The following TTC17 variants were observed in gnomAD, a reference collection of about 807,000 sequenced individuals.
TTC17 encodes the protein tetratricopeptide repeat protein 17.
A neutral mutation model predicts 143.8 loss-of-function variants in TTC17; 58 were observed. The observed-to-expected ratio is 0.40, with a 90% CI of 0.33 to 0.50. The LOEUF (loss-of-function observed/expected upper bound fraction) is 0.50, where lower values mean the gene tolerates loss of function less well. TTC17 is among the 20% of genes least tolerant of loss of function. The probability of loss-of-function intolerance (pLI) is 0.49; values close to 1 mark genes in which losing one functional copy is unlikely to be tolerated. For synonymous variants in TTC17, 501 were observed against 497.8 expected (o/e 1.01, Z -0.09); for missense variants, 1,273 against 1,392.5 (o/e 0.91, Z 1.37).
Position 43,469,378 on chromosome 11 carries a change from G to A in TTC17, c.3030+18113G>A, listed in dbSNP as rs372018352. On this transcript the variant is annotated intron_variant, in intron 21 of 23. Coordinates refer to ENST00000039989, the MANE Select transcript of TTC17 (RefSeq NM_018259.6). ...TTTGCTGCTAGAAATGTATCAAAGA[G>A]ACATGAAAACATATGACCACAAAAT... Among the ~76,000 whole-genome samples the A allele has an allele frequency of 1.9e-4, 29 of 152,120 alleles. 1 individual carries two copies. The South Asian group carries it at 5.6e-3, about 29-fold the overall frequency.
intron 21 of TTC17, 144 bp from the exon 22 acceptor site, chr11:43,490,095 G>C: frequency 9.1e-7 from 1 of 1,104,288 alleles, no homozygotes; most frequent in Non-Finnish European, 1.3e-6. Flanking sequence ...TGAAGGACAG[G>C]TGGAACAGAA....
At chr11:43,400,104 C>A in intron 9 of TTC17, 56 bp downstream of exon 9, 1 of 1,550,178 alleles carries the variant, frequency 6.5e-7, no homozygotes. Flanking sequence ...TTTTAGCATG[C>A]TTTACTATCA....
At chr11:43,386,169 C>CA (rs768438986) in intron 2 of TTC17, among the ~76,000 whole-genome samples, 220 of 109,794 alleles carry the variant, frequency 2.0e-3, no homozygotes, top group African/African-American at 4.7e-3. Flanking sequence ...TTTCAATGTA[C>CA]AAAAAAAAAA....
At chr11:43,487,667 T>C (rs1269430142) in intron 21 of TTC17, among the ~76,000 whole-genome samples, 2 of 152,214 alleles carry the variant, frequency 1.3e-5, no homozygotes, top group African/African-American at 4.8e-5. Flanking sequence ...CAGAAGTTTT[T>C]CAACATATAT....
intron 15 of TTC17, among the ~76,000 whole-genome samples, chr11:43,409,819 T>C (rs1209781906): frequency 6.6e-6 from 1 of 152,108 alleles, no homozygotes; most frequent in Non-Finnish European, 1.5e-5. Context: ...GTGGTTGTTT[T>C]TGTTTTTCTT....
intron 1 of TTC17, among the ~76,000 whole-genome samples, chr11:43,363,479 T>C (rs1033695518): frequency 6.6e-6 from 1 of 152,244 alleles, no homozygotes; most frequent in African/African-American, 2.4e-5. Flanking sequence ...GTTGTATTGC[T>C]AGTACTGAGT....
intron 16 of TTC17, among the ~76,000 whole-genome samples, chr11:43,433,766 A>G (rs1266797750): frequency 3.3e-5 from 5 of 152,196 alleles, no homozygotes. Context: ...ACAGAGTTTC[A>G]CTGGGTTCCA....
chr11:43,491,250 A>C (rs1564987772), intron 22 of TTC17: 1 of 152,238 alleles, frequency 6.6e-6, no homozygotes, highest in Non-Finnish European at 1.5e-5. Flanking sequence ...TACAGAACCC[A>C]ATATGGCATG....
chr11:43,377,907 G>GT (rs1565133375), intron 1 of TTC17, among the ~76,000 whole-genome samples: 2 of 151,548 alleles, frequency 1.3e-5, no homozygotes, highest in South Asian at 4.2e-4. Flanking sequence ...GTTTTGTTTT[G>GT]TTTTTTGTTT....
At chr11:43,397,235 AT>A in intron 6 of TTC17, 111 bp from the exon 7 acceptor site, 2 of 1,207,124 alleles carry the variant, frequency 1.7e-6, no homozygotes, top group South Asian at 3.4e-5. Flanking sequence ...CACTATGATT[AT>A]CTTATTTTCT....
At chr11:43,451,426 T>G (rs566094596) in intron 21 of TTC17, among the ~76,000 whole-genome samples, 161 bp downstream of exon 21, 1 of 152,236 alleles carries the variant, frequency 6.6e-6, no homozygotes, top group South Asian at 2.1e-4. Context: ...TTTCAGTCGC[T>G]TTTTCTATCA....
intron 16 of TTC17, among the ~76,000 whole-genome samples, chr11:43,441,251 G>A (rs1312315005): frequency 6.6e-6 from 1 of 151,008 alleles, no homozygotes; most frequent in East Asian, 1.9e-4. Flanking sequence ...GCTCCAGCCT[G>A]GGCAACAGAA....
At chr11:43,448,407 G>A (rs1222651620) in intron 19 of TTC17, among the ~76,000 whole-genome samples, 2 of 152,128 alleles carry the variant, frequency 1.3e-5, no homozygotes, top group Non-Finnish European at 2.9e-5. Flanking sequence ...CTCTATAGAA[G>A]CACAAAACCC....
chr11:43,486,311 T>A (rs1359625789), intron 21 of TTC17: 2 of 313,082 alleles, frequency 6.4e-6, no homozygotes, highest in African/African-American at 4.2e-5. Flanking sequence ...GCTGTTGGGC[T>A]CAGTCCACAC....
intron 9 of TTC17, 48 bp from the exon 10 acceptor site, chr11:43,401,398 C>A: frequency 1.5e-6 from 2 of 1,301,932 alleles, no homozygotes; most frequent in Non-Finnish European, 2.2e-6. Context: ...ATCACATTGG[C>A]ATTGTTGACC....
chr11:43,398,374 G>C (rs926106605), intron 8 of TTC17, among the ~76,000 whole-genome samples: 2 of 152,154 alleles, frequency 1.3e-5, no homozygotes, highest in African/African-American at 4.8e-5. Flanking sequence ...TTACAATTTT[G>C]ACCATTGATT....
chr11:43,434,411 G>A (rs911036839), intron 16 of TTC17, among the ~76,000 whole-genome samples: 1 of 152,054 alleles, frequency 6.6e-6, no homozygotes, highest in African/African-American at 2.4e-5. Context: ...ACTGATCGGC[G>A]GGGGGAAGCC....
At chr11:43,404,203 GT>G in intron 11 of TTC17, 59 bp downstream of exon 11, 3 of 1,538,414 alleles carry the variant, frequency 2.0e-6, no homozygotes, top group Middle Eastern at 1.7e-4. Context: ...CATTAAAGCA[GT>G]GGCCCTCAAC....
intron 21 of TTC17, among the ~76,000 whole-genome samples, chr11:43,464,696 A>G: frequency 6.6e-6 from 1 of 152,210 alleles, no homozygotes; most frequent in East Asian, 1.9e-4. Context: ...AAAATTGTCA[A>G]ACGGAATTAT....
Sources: gnomAD v4.1 joint callset for allele counts (sites outside exome capture counted in the v4.1 genomes callset) on GRCh38, gnomAD v4.1.1 for gene constraint, MANE v1.5 for transcripts, NCBI Gene and HGNC (gene_info 2026-07-23, HGNC 2026-07-21) for gene names.